The following ASIC2 variants were observed in gnomAD, a reference collection of about 807,000 sequenced individuals.
ASIC2 encodes acid sensing ion channel subunit 2, also known as acid-sensing ion channel 2.
Under a neutral mutation model 57.3 loss-of-function variants are expected in ASIC2, and 25 were observed. The ratio of observed to expected loss-of-function variants is 0.44; its 90% CI spans 0.32 to 0.61. The LOEUF (loss-of-function observed/expected upper bound fraction) is 0.61, where lower values mean the gene tolerates loss of function less well. Ranked by LOEUF, ASIC2 falls within the 20% of genes least tolerant of loss-of-function variation. ASIC2 has a pLI of 0.06. For synonymous variants in ASIC2, 319 were observed against 307.5 expected (o/e 1.04, Z -0.39); for missense variants, 641 against 738.1 (o/e 0.87, Z 1.52).
chr17:33,252,578 GC>G (rs139116784), intron 1 of ASIC2, among the ~76,000 whole-genome samples: 397 of 152,170 alleles, frequency 2.6e-3, no homozygotes, highest in African/African-American at 9.0e-3. Flanking sequence ...TGTGTGCCCA[GC>G]CCTGCGATGG....
intron 1 of ASIC2, among the ~76,000 whole-genome samples, chr17:33,384,154 A>T (rs1007817007): frequency 6.6e-6 from 1 of 152,232 alleles, no homozygotes; most frequent in Non-Finnish European, 1.5e-5. Context: ...TAGGAAAGTG[A>T]TCTGATACTG....
At chr17:33,408,779 C>T (rs1267547970) in intron 1 of ASIC2, among the ~76,000 whole-genome samples, 2 of 152,142 alleles carry the variant, frequency 1.3e-5, no homozygotes, top group Non-Finnish European at 2.9e-5. Context: ...ACCTTGATGT[C>T]TCGGGTAAGG....
At chr17:33,701,388 C>T (rs894622266) in intron 1 of ASIC2, among the ~76,000 whole-genome samples, 3 of 152,134 alleles carry the variant, frequency 2.0e-5, no homozygotes, top group Non-Finnish European at 4.4e-5. Flanking sequence ...GGACTACAAT[C>T]AGTAAATAAA....
intron 1 of ASIC2, among the ~76,000 whole-genome samples, chr17:33,592,479 A>G (rs112627755): frequency 0.013 from 2,018 of 152,360 alleles, 42 homozygotes; most frequent in African/African-American, 0.046. Flanking sequence ...AGCATTGTCT[A>G]TAGTGAGTTA....
Position 33,525,419 on chromosome 17 carries a change from G to T in ASIC2, c.556-413352C>A, listed in dbSNP as rs182585814. Among the ~76,000 whole-genome samples the T allele has an allele frequency of 1.1e-3, 164 of 152,332 alleles. 1 individual carries two copies. The highest frequency in any genetic ancestry group is 1.5e-4 in the Non-Finnish European group (10 of 68,024). On this transcript the variant is annotated intron_variant, in intron 1 of 9. Coordinates refer to the ASIC2 transcript ENST00000359872. ...CTACAGCTTCTCTGCCTCCTGGCCA[G>T]ATGAGTGAGCTTTGTTCTGTGATGA...
intron 1 of ASIC2, among the ~76,000 whole-genome samples, chr17:33,768,521 T>C (rs1911001465): frequency 6.6e-6 from 1 of 152,096 alleles, no homozygotes; most frequent in Non-Finnish European, 1.5e-5. Flanking sequence ...GCATTTTCTA[T>C]CCGTTGGAAA....
chr17:33,801,357 C>T (rs1026922439), intron 1 of ASIC2, among the ~76,000 whole-genome samples: 10 of 152,152 alleles, frequency 6.6e-5, no homozygotes, highest in African/African-American at 2.2e-4. Flanking sequence ...AAACTCTACC[C>T]ACACACCTTT....
At chr17:33,400,286 C>T (rs1380090989) in intron 1 of ASIC2, among the ~76,000 whole-genome samples, 2 of 152,196 alleles carry the variant, frequency 1.3e-5, no homozygotes, top group Non-Finnish European at 2.9e-5. Context: ...TTGAAGATCT[C>T]ATTATAAGGA....
intron 1 of ASIC2, among the ~76,000 whole-genome samples, chr17:34,046,709 T>A (rs1002833559): frequency 1.3e-5 from 2 of 152,198 alleles, no homozygotes; most frequent in East Asian, 3.8e-4. Context: ...ATGGGAAACA[T>A]AGCAGCTGGG....
intron 3 of ASIC2, among the ~76,000 whole-genome samples, chr17:33,074,914 T>A (rs758052359): frequency 2.9e-4 from 44 of 152,210 alleles, no homozygotes; most frequent in Non-Finnish European, 5.6e-4. Context: ...CAATGAACTA[T>A]GATGGCATGC....
At position 33,030,927 on chromosome 17, in the gene ASIC2, G is replaced by GT. The variant is rs2091880398; in HGVS notation, c.988-2536dup. Among the ~76,000 whole-genome samples the GT allele has an allele frequency of 3.9e-5, 6 of 152,100 alleles. No individual in the cohort carries two copies. The South Asian group carries it at 1.2e-3, about 32-fold the overall frequency. On this transcript the variant is annotated intron_variant, in intron 3 of 9. Coordinates refer to ENST00000225823, the MANE Select transcript of ASIC2 (RefSeq NM_183377.2). The stretch of plus-strand genomic sequence containing the variant: ...TTCAATTTGCTAATATCTTGTGGAG[G>GT]TTTTTTGCATCTATGTTTATGAGGC...
intron 1 of ASIC2, among the ~76,000 whole-genome samples, chr17:33,686,247 A>T (rs1049253899): frequency 2.0e-5 from 3 of 152,108 alleles, no homozygotes; most frequent in African/African-American, 7.2e-5. Context: ...ATGGCCAAAG[A>T]GCACGCTATT....
intron 1 of ASIC2, among the ~76,000 whole-genome samples, chr17:33,467,249 AT>A (rs955355354): frequency 1.9e-4 from 29 of 151,760 alleles, no homozygotes; most frequent in African/African-American, 4.1e-4. Flanking sequence ...CCTTGAAAAT[AT>A]TTTTTTTTAA....
intron 1 of ASIC2, among the ~76,000 whole-genome samples, chr17:33,439,949 A>T (rs370857948): frequency 6.6e-6 from 1 of 152,238 alleles, no homozygotes; most frequent in African/African-American, 2.4e-5. Flanking sequence ...ATGTGGCTTT[A>T]TAGAGCAGGA....
At chr17:34,118,172 AAGT>A (rs1346036292) in intron 1 of ASIC2, among the ~76,000 whole-genome samples, 1 of 152,162 alleles carries the variant, frequency 6.6e-6, no homozygotes, top group Non-Finnish European at 1.5e-5. Context: ...TAATCTTAGA[AAGT>A]TTACTTAATT....
At chr17:33,328,205 G>A (rs1394479393) in intron 1 of ASIC2, among the ~76,000 whole-genome samples, 2 of 152,160 alleles carry the variant, frequency 1.3e-5, no homozygotes, top group Admixed American at 1.3e-4. Flanking sequence ...CTGAGTTGAG[G>A]AGAGCCCCTT....
chr17:33,923,966 G>A (rs1435239394), intron 1 of ASIC2, among the ~76,000 whole-genome samples: 1 of 152,174 alleles, frequency 6.6e-6, no homozygotes, highest in Non-Finnish European at 1.5e-5. Context: ...CAGGCAGAAT[G>A]GGCCAGGTTC....
chr17:33,740,014 G>GAGAAAGAAAGAAAGAAAAATAAAGAA (rs1910058640), intron 1 of ASIC2, among the ~76,000 whole-genome samples: 1 of 144,804 alleles, frequency 6.9e-6, no homozygotes, highest in Non-Finnish European at 1.6e-5. Context: ...TAAAGAAAGA[G>GAGAAAGAAAGAAAGAAAAATAAAGAA]AGAGAGAAAG....
intron 1 of ASIC2, among the ~76,000 whole-genome samples, chr17:33,301,298 C>T (rs1905950947): frequency 6.6e-6 from 1 of 151,962 alleles, no homozygotes; most frequent in African/African-American, 2.4e-5. Flanking sequence ...GCCTCGATCT[C>T]CCAAAGTGCT....
Sources: gnomAD v4.1 joint callset for allele counts (sites outside exome capture counted in the v4.1 genomes callset) on GRCh38, gnomAD v4.1.1 for gene constraint, MANE v1.5 for transcripts, NCBI Gene and HGNC (gene_info 2026-07-23, HGNC 2026-07-21) for gene names.